The following LRIF1 variants were observed in gnomAD, a reference collection of about 807,000 sequenced individuals.
LRIF1 encodes the protein ligand-dependent nuclear receptor-interacting factor 1.
Under a neutral mutation model 52.7 loss-of-function variants are expected in LRIF1, and 32 were observed. The ratio of observed to expected loss-of-function variants is 0.61; its 90% CI spans 0.46 to 0.82. The LOEUF (loss-of-function observed/expected upper bound fraction) is 0.82, where lower values mean the gene tolerates loss of function less well. Ranked by LOEUF, LRIF1 falls within the 40% of genes least tolerant of loss-of-function variation. LRIF1 has a pLI of 0.00. For synonymous variants in LRIF1, 323 were observed against 317.4 expected (o/e 1.02, Z -0.19); for missense variants, 887 against 892.0 (o/e 0.99, Z 0.07).
the LRIF1 span, among the ~76,000 whole-genome samples, chr1:110,881,855 A>C: frequency 6.6e-6 from 1 of 152,162 alleles, no homozygotes; most frequent in Non-Finnish European, 1.5e-5. Context: ...CATTTCCTTA[A>C]TGAGTAATGA....
At chr1:110,899,146 T>C in the LRIF1 span, 1 of 1,613,842 alleles carries the variant, frequency 6.2e-7, no homozygotes, top group Admixed American at 1.7e-5. Flanking sequence ...TCCTTTGCAC[T>C]GACCCTGAAC....
At chr1:110,916,724 T>G in the LRIF1 span, among the ~76,000 whole-genome samples, 2 of 152,248 alleles carry the variant, frequency 1.3e-5, no homozygotes, top group Admixed American at 6.5e-5. Context: ...AAATTGAAAG[T>G]GAATAGTTGG....
the LRIF1 span, among the ~76,000 whole-genome samples, chr1:110,906,920 A>G: frequency 6.6e-6 from 1 of 152,236 alleles, no homozygotes; most frequent in Non-Finnish European, 1.5e-5. Context: ...AAAAATATTG[A>G]TACATATTTT....
chr1:110,960,049 C>T (rs548334779), intron 1 of LRIF1, among the ~76,000 whole-genome samples: 17 of 151,942 alleles, frequency 1.1e-4, no homozygotes, highest in South Asian at 2.1e-4. Context: ...CCATGTATTG[C>T]GTACATGATA....
At chr1:110,879,154 C>T in the LRIF1 span, among the ~76,000 whole-genome samples, 1 of 152,092 alleles carries the variant, frequency 6.6e-6, no homozygotes, top group Middle Eastern at 3.2e-3. Flanking sequence ...AAGGGTTACC[C>T]TTAGGAATGG....
chr1:110,877,709 AG>A, the LRIF1 span, among the ~76,000 whole-genome samples: 1 of 152,210 alleles, frequency 6.6e-6, no homozygotes, highest in Non-Finnish European at 1.5e-5. Context: ...AATTTTTATC[AG>A]ATTACAATTT....
chr1:110,945,591 A>G (rs557332804), downstream of LRIF1, among the ~76,000 whole-genome samples: 2 of 152,154 alleles, frequency 1.3e-5, no homozygotes, highest in East Asian at 1.9e-4. Context: ...ATGCCCAGCT[A>G]ATTTTTCTAC....
intron 3 of LRIF1, 67 bp downstream of exon 3, chr1:110,949,784 C>A (rs567650637): frequency 4.9e-4 from 733 of 1,496,396 alleles, no homozygotes; most frequent in Non-Finnish European, 6.5e-4. Context: ...AAAACCAAAT[C>A]AAGAAAAGTA....
chr1:110,894,219 C>T, the LRIF1 span: 3 of 886,816 alleles, frequency 3.4e-6, no homozygotes, highest in Admixed American at 2.0e-5. Context: ...GGAGGCAGAA[C>T]AGGAACACCC....
the LRIF1 span, among the ~76,000 whole-genome samples, chr1:110,879,244 G>T: frequency 4.6e-5 from 7 of 152,044 alleles, no homozygotes; most frequent in African/African-American, 1.7e-4. Context: ...GAGCCATCCT[G>T]GAAATAGTAT....
chr1:110,948,585 T>C (rs961481196), intron 3 of LRIF1, among the ~76,000 whole-genome samples, 186 bp from the exon 4 acceptor site: 3 of 152,222 alleles, frequency 2.0e-5, no homozygotes, highest in Admixed American at 6.5e-5. Context: ...GTCTTAATCA[T>C]ATTCAGTAAG....
At chr1:110,915,361 G>A in the LRIF1 span, among the ~76,000 whole-genome samples, 4 of 152,068 alleles carry the variant, frequency 2.6e-5, no homozygotes, top group Non-Finnish European at 4.4e-5. Context: ...GGTGGCAGGC[G>A]CCTGTAGTCC....
the LRIF1 span, among the ~76,000 whole-genome samples, chr1:110,930,571 T>C: frequency 6.6e-6 from 1 of 152,142 alleles, no homozygotes; most frequent in African/African-American, 2.4e-5. Flanking sequence ...AATATTATAC[T>C]ATTGGATTAA....
rs533834186 is a variant in LRIF1 at position 110,947,775 on chromosome 1, T to C, written c.*184A>G. ...CTAAGACAAAGGTATAGATACCCCA[T>C]GTAAATTATTCACAAGTCATATGTG... On this transcript the variant is annotated 3_prime_UTR_variant, in exon 4 of 4. Transcript: ENST00000369763. 9.1e-6 allele frequency: 6 copies of C among 657,310 alleles called. No individual in the cohort carries two copies. In the South Asian group the frequency reaches 1.9e-4, roughly 21 times the overall value. The allele number at this position is 657,310 out of a possible 1,614,324, so 40.7% of individuals were successfully genotyped here.
At chr1:110,895,017 A>G in the LRIF1 span, 14 of 1,613,966 alleles carry the variant, frequency 8.7e-6, no homozygotes, top group Non-Finnish European at 1.7e-6. Flanking sequence ...CCACTCAGAC[A>G]ATAGCACCAA....
chr1:110,931,631 T>C, the LRIF1 span, among the ~76,000 whole-genome samples: 10 of 152,198 alleles, frequency 6.6e-5, no homozygotes, highest in Non-Finnish European at 1.5e-4. Flanking sequence ...TTTCTCCACA[T>C]CCTCTCCAGT....
chr1:110,928,126 A>T, the LRIF1 span, among the ~76,000 whole-genome samples: 1 of 152,148 alleles, frequency 6.6e-6, no homozygotes, highest in Non-Finnish European at 1.5e-5. Context: ...AGGTCTGAAT[A>T]GTTTTTGTAT....
chr1:110,878,433 A>G, the LRIF1 span, among the ~76,000 whole-genome samples: 1 of 152,238 alleles, frequency 6.6e-6, no homozygotes, highest in Non-Finnish European at 1.5e-5. Flanking sequence ...CTGTATATAG[A>G]GAAATGTATA....
At chr1:110,898,763 AT>A in the LRIF1 span, among the ~76,000 whole-genome samples, 2 of 152,146 alleles carry the variant, frequency 1.3e-5, no homozygotes, top group Non-Finnish European at 2.9e-5. Flanking sequence ...CTCAGAGAAA[AT>A]GATTTTTCTC....
Sources: gnomAD v4.1 joint callset for allele counts (sites outside exome capture counted in the v4.1 genomes callset) on GRCh38, gnomAD v4.1.1 for gene constraint, MANE v1.5 for transcripts, NCBI Gene and HGNC (gene_info 2026-07-23, HGNC 2026-07-21) for gene names.